Variants in KALRN observed in about 807,000 individuals in gnomAD.
KALRN encodes the protein kalirin.
A neutral mutation model predicts 353.7 loss-of-function variants in KALRN; 70 were observed. The observed-to-expected ratio is 0.20, with a 90% CI of 0.16 to 0.24. The LOEUF is 0.24. KALRN is among the 10% of genes least tolerant of loss of function. KALRN has a pLI of 1.00. For missense variants in KALRN, 2,791 were observed against 3,756.7 expected, an observed-to-expected ratio of 0.74 and a Z score of 6.72; for synonymous variants, 1,391 against 1,434.8, an observed-to-expected ratio of 0.97 and a Z score of 0.69.
At chr3:124,317,619 T>G (rs1337747711) in intron 6 of KALRN, among the ~76,000 whole-genome samples, 1 of 150,570 alleles carries the variant, frequency 6.6e-6, no homozygotes, top group African/African-American at 2.4e-5. Context: ...CAGATTCTGA[T>G]TCAGAAAGTT....
chr3:124,181,278 T>G (rs1392336348), intron 1 of KALRN, among the ~76,000 whole-genome samples: 3 of 152,008 alleles, frequency 2.0e-5, no homozygotes, highest in Non-Finnish European at 4.4e-5. Flanking sequence ...TTATGCGTGA[T>G]GGTTAACATT....
At chr3:124,141,910 C>G (rs1161877646) in intron 1 of KALRN, among the ~76,000 whole-genome samples, 1 of 152,162 alleles carries the variant, frequency 6.6e-6, no homozygotes, top group Admixed American at 6.5e-5. Flanking sequence ...GGCTTTGGGG[C>G]TGGGAGGATC....
At chr3:124,370,783 G>T (rs1028044641) in intron 10 of KALRN, among the ~76,000 whole-genome samples, 7 of 152,176 alleles carry the variant, frequency 4.6e-5, no homozygotes, top group African/African-American at 1.7e-4. Context: ...TGGAAAATTT[G>T]CTCTACTTTA....
chr3:124,536,196 CTTTTTTTTT>C (rs34435871), intron 33 of KALRN, among the ~76,000 whole-genome samples: 2 of 99,124 alleles, frequency 2.0e-5, no homozygotes, highest in African/African-American at 8.5e-5. Context: ...CATCCATACT[CTTTTTTTTT>C]TTTTTTTTTT....
intron 34 of KALRN, among the ~76,000 whole-genome samples, chr3:124,613,644 G>T (rs1184268844): frequency 6.6e-6 from 1 of 152,166 alleles, no homozygotes; most frequent in Non-Finnish European, 1.5e-5. Context: ...CTTATTACTT[G>T]CTACAACAGT....
chr3:124,628,397 T>TCCC (rs1554057042), intron 34 of KALRN, among the ~76,000 whole-genome samples: 1 of 34,976 alleles, frequency 2.9e-5, no homozygotes, highest in African/African-American at 1.3e-4. Flanking sequence ...CCTTCCTTCC[T>TCCC]TCCCTCCCTC....
intron 35 of KALRN, among the ~76,000 whole-genome samples, chr3:124,633,168 A>T (rs1044595965): frequency 6.6e-6 from 1 of 152,248 alleles, no homozygotes; most frequent in Non-Finnish European, 1.5e-5. Flanking sequence ...TGATGAACAG[A>T]TGAAGATTAC....
intron 33 of KALRN, among the ~76,000 whole-genome samples, chr3:124,510,626 T>C (rs985202457): frequency 6.6e-6 from 1 of 152,164 alleles, no homozygotes; most frequent in Non-Finnish European, 1.5e-5. Flanking sequence ...AAACAGTCTA[T>C]TGTTAGTCCA....
At chr3:124,227,525 A>G (rs535126994) in intron 1 of KALRN, among the ~76,000 whole-genome samples, 1 of 152,192 alleles carries the variant, frequency 6.6e-6, no homozygotes, top group South Asian at 2.1e-4. Flanking sequence ...TTTGTAATCC[A>G]TCTTGATATC....
At chr3:124,712,086 C>T (rs1205734150) in intron 57 of KALRN, among the ~76,000 whole-genome samples, 1 of 152,158 alleles carries the variant, frequency 6.6e-6, no homozygotes, top group East Asian at 1.9e-4. Flanking sequence ...AAAGACTACA[C>T]ATTGGGTACT....
chr3:124,704,055 G>A (rs1009316765), intron 57 of KALRN, among the ~76,000 whole-genome samples: 1 of 152,170 alleles, frequency 6.6e-6, no homozygotes, highest in Non-Finnish European at 1.5e-5. Flanking sequence ...GAGGTGTGGA[G>A]CCAGGATTCA....
intron 36 of KALRN, chr3:124,636,998 A>T (rs1053430113): frequency 2.1e-5 from 12 of 567,372 alleles, no homozygotes; most frequent in Non-Finnish European, 3.5e-5. Context: ...AGTACCATCC[A>T]TTTGCTGCTG....
intron 33 of KALRN, among the ~76,000 whole-genome samples, chr3:124,537,500 T>G (rs1200075710): frequency 6.6e-6 from 1 of 152,102 alleles, no homozygotes; most frequent in Non-Finnish European, 1.5e-5. Flanking sequence ...CTGCTGGTGG[T>G]GATGATGCAG....
At chr3:124,121,293 C>G (rs1158772123) in intron 1 of KALRN, among the ~76,000 whole-genome samples, 6 of 151,998 alleles carry the variant, frequency 3.9e-5, no homozygotes, top group Non-Finnish European at 8.8e-5. Flanking sequence ...TTTTCTATCT[C>G]CAGAATCTAG....
At chr3:124,429,118 G>C (rs7628976) in intron 15 of KALRN, among the ~76,000 whole-genome samples, 4,432 of 152,290 alleles carry the variant, frequency 0.029, 199 homozygotes, top group African/African-American at 0.1. Flanking sequence ...CAGTCCACCA[G>C]TGACAACAGG....
intron 15 of KALRN, among the ~76,000 whole-genome samples, chr3:124,428,650 A>G (rs1371997438): frequency 6.6e-6 from 1 of 152,240 alleles, no homozygotes; most frequent in East Asian, 1.9e-4. Context: ...CCTAAAATCA[A>G]ATCTCCCACT....
intron 1 of KALRN, among the ~76,000 whole-genome samples, chr3:124,057,481 C>T (rs1156256331): frequency 6.6e-6 from 1 of 152,122 alleles, no homozygotes; most frequent in Admixed American, 6.5e-5. Context: ...AGGCAGTATA[C>T]GATGCATTCA....
chr3:124,627,092 A>G lies in KALRN; in HGVS notation c.5183-5328A>G, dbSNP rs573998869. 4.6e-5 allele frequency among the ~76,000 whole-genome samples: 7 copies of G among 152,336 alleles called. No individual in the cohort carries two copies. In the East Asian group the frequency reaches 9.6e-4, roughly 21 times the overall value. ...AGCAGCTAATGGCAGCCATTTTCCAAAAAAGATGGGATGAGCATAACATGC... is the reference window on the plus strand; with the variant it reads ...AGCAGCTAATGGCAGCCATTTTCCAGAAAAGATGGGATGAGCATAACATGC... On this transcript the variant is annotated intron_variant, in intron 34 of 59. Transcript: ENST00000682506.
At chr3:124,624,795 G>A (rs1454426061) in intron 34 of KALRN, among the ~76,000 whole-genome samples, 1 of 152,210 alleles carries the variant, frequency 6.6e-6, no homozygotes, top group Admixed American at 6.5e-5. Flanking sequence ...AAAGGATGAG[G>A]CTACCTTATT....
Sources: allele counts gnomAD v4.1 joint callset (sites outside exome capture counted in the v4.1 genomes callset), GRCh38; gene constraint gnomAD v4.1.1; transcripts MANE v1.5; gene names NCBI Gene and HGNC (gene_info 2026-07-23, HGNC 2026-07-21).